Variants in AXIN2 observed in about 807,000 individuals in gnomAD.
The protein encoded by AXIN2 is axin 2, also known as axin-2.
Under a neutral mutation model 74.7 loss-of-function variants are expected in AXIN2, and 21 were observed. The ratio of observed to expected loss-of-function variants is 0.28; its 90% confidence interval spans 0.20 to 0.40. AXIN2 has a LOEUF of 0.40. AXIN2 is among the 10% of genes least tolerant of loss of function. The probability of loss-of-function intolerance (pLI) is 1.00; values close to 1 mark genes in which losing one functional copy is unlikely to be tolerated. For missense variants in AXIN2, 1,144 were observed against 1,111.1 expected (o/e 1.03, Z -0.42); for synonymous variants, 532 against 454.9 (o/e 1.17, Z -2.16).
chr17:65,553,985 G>A (rs2044231245), intron 2 of AXIN2, among the ~76,000 whole-genome samples: 2 of 152,260 alleles, frequency 1.3e-5, no homozygotes, highest in South Asian at 4.1e-4. Context: ...TGCAGCTTCT[G>A]CATCAGCCTC....
Position 65,549,019 on chromosome 17 carries a change from C to T in AXIN2, c.956+501G>A, listed in dbSNP as rs144080470. On this transcript the variant is annotated intron_variant, in intron 3 of 10. Transcript: ENST00000307078. ...CAATGCGGAACATTACACACTGTGG[C>T]TCTTTAGAGATTTCTGGCTTTCTCA... Among the ~76,000 whole-genome samples the T allele has an allele frequency of 6.5e-3, 992 of 152,270 alleles. 8 individuals are homozygous for T. Among genetic ancestry groups the T allele is most frequent in the Admixed American group, 6.3e-3 (97 of 15,298 alleles).
In AXIN2 at chr17:65,536,892, C is replaced by T. The variant is rs1307368931; in HGVS notation, c.1884G>A (p.Arg628=). ...ACCTATGGGGCTTGGGCTTGCTCTG[C>T]CGCTCACTCTCCAGCATCCACTGCC... ...DVWQWMLESE[R]QSKPKPHSAQ... is the part of the protein sequence containing the mutation. The change falls in exon 7 of 11, where the codon CGG becomes CGA. Residue 628 remains arginine, a synonymous_variant. Transcript: ENST00000307078. The T allele has an allele frequency of 1.2e-6, 2 of 1,613,446 alleles. No individual in the cohort carries two copies. Among genetic ancestry groups the T allele is most frequent in the Non-Finnish European group, 1.7e-6 (2 of 1,179,948 alleles).
At chr17:65,533,787 C>T (rs58015273) in intron 10 of AXIN2, 125 bp downstream of exon 10, 15 of 1,012,088 alleles carry the variant, frequency 1.5e-5, no homozygotes, top group South Asian at 5.5e-5. Context: ...CCTCCCCCAG[C>T]GCCTGCTGAG....
chr17:65,529,844 G>T lies in AXIN2; in HGVS notation c.*132C>A. On this transcript the variant is annotated 3_prime_UTR_variant, in exon 11 of 11. Transcript: ENST00000307078. The stretch of plus-strand genomic sequence containing the variant: ...CCGCCCTCCCGAAGGCCCACTGGCC[G>T]ATTCTTCCTTAGACTTTGTCTTCTT... 1 of 1,519,716 alleles carries T rather than the reference G, an allele frequency of 6.6e-7. No individual in the cohort carries two copies. Among genetic ancestry groups the T allele is most frequent in the South Asian group, 1.2e-5 (1 of 85,240 alleles). 94.1% of individuals were successfully genotyped at this position (1,519,716 alleles called of 1,614,324 possible). A position where few individuals can be genotyped will look rare whatever the true frequency, so the allele number is the denominator to read the frequency against.
intron 1 of AXIN2, chr17:65,560,092 C>G (rs1385070878): frequency 6.6e-6 from 1 of 152,336 alleles, no homozygotes; most frequent in Non-Finnish European, 1.5e-5. Flanking sequence ...GACACGCCAG[C>G]AGCGCCCCGA....
rs199838262 is a variant in AXIN2, at chr17:65,530,007, C to T, written c.2501G>A (p.Arg834Gln). 32 of 1,614,188 alleles carry T rather than the reference C, an allele frequency of 2.0e-5. No individual in the cohort carries two copies. The highest frequency in any genetic ancestry group is 5.5e-5 in the South Asian group (5 of 91,084). ...DETVLPMYEG[R>Q]ILGKVERID ...GATCCGCTCCACTTTGCCCAGAATC[C>T]GGCCTTCATACATCGGGAGCACCGT... The change falls in exon 11 of 11, where the codon CGG (arginine) becomes CAG (glutamine). Residue 834 changes from arginine to glutamine, a missense_variant. By Grantham distance (43) the Arg-to-Gln change is conservative (BLOSUM62 1). This residue lies in a region of AXIN2 where 65 missense variants were observed against 95.7 expected (regional missense o/e 0.68). Transcript: ENST00000307078.
rs2043964180 is a variant in AXIN2, at chr17:65,537,851, T to C, written c.1201-16A>G. The stretch of plus-strand genomic sequence containing the variant: ...TCTCTTCATCCTGAAAGGGAAGACG[T>C]CAGAAGGAGAAGTGACCCAGGAAGC... On this transcript the variant is annotated splice_polypyrimidine_tract_variant and intron_variant, in intron 5 of 10. Transcript: ENST00000307078. 8.5e-6 allele frequency: 13 copies of C among 1,533,698 alleles called. No homozygotes were observed. The highest frequency in any genetic ancestry group is 1.1e-5 in the Non-Finnish European group (13 of 1,140,476).
chr17:65,538,487 T>C, intron 4 of AXIN2, 144 bp from the exon 5 acceptor site: 1 of 1,099,546 alleles, frequency 9.1e-7, no homozygotes, highest in Non-Finnish European at 1.3e-6. Context: ...CCTGGGCTGC[T>C]CGGGACTTTT....
At chr17:65,538,021 C>T (rs892562038) in intron 5 of AXIN2, 182 bp downstream of exon 5, 1 of 1,341,104 alleles carries the variant, frequency 7.5e-7, no homozygotes, top group African/African-American at 1.4e-5. Context: ...TGCACACCCA[C>T]ACGCAACCCA....
chr17:65,534,111 C>T (rs1293808965), intron 9 of AXIN2, 32 bp from the exon 10 acceptor site: 1 of 1,613,596 alleles, frequency 6.2e-7, no homozygotes, highest in Non-Finnish European at 8.5e-7. Context: ...ACAAGTTTAG[C>T]ATTTTAAAGC....
intron 2 of AXIN2, among the ~76,000 whole-genome samples, chr17:65,551,046 A>T (rs894385012): frequency 6.6e-6 from 1 of 152,200 alleles, no homozygotes; most frequent in Admixed American, 6.5e-5. Context: ...GCTCTCAATC[A>T]AACTGCCTCC....
rs548196685 is a variant in AXIN2, at chr17:65,529,971, A to C, written c.*5T>G. On this transcript the variant is annotated 3_prime_UTR_variant, in exon 11 of 11. Coordinates refer to ENST00000307078, the MANE Select transcript of AXIN2 (RefSeq NM_004655.4). ...CAACAGTTCACCAAAGCCAGACCCC[A>C]GGGCTCAATCGATCCGCTCCACTTT... The C allele has an allele frequency of 1.6e-4, 257 of 1,614,198 alleles. 7 individuals are homozygous for C. The South Asian group carries it at 2.8e-3, about 17-fold the overall frequency.
chr17:65,534,155 A>T (rs1489694851), intron 9 of AXIN2, 76 bp from the exon 10 acceptor site: 2 of 1,539,870 alleles, frequency 1.3e-6, no homozygotes, highest in Admixed American at 3.3e-5. Context: ...ACACGTGCGC[A>T]CATGTGCATA....
intron 2 of AXIN2, among the ~76,000 whole-genome samples, chr17:65,554,921 T>TGTGTCTGTGTGCC (rs1247826912): frequency 2.6e-5 from 4 of 152,216 alleles, no homozygotes; most frequent in African/African-American, 9.6e-5. Context: ...TGTGCGTGTG[T>TGTGTCTGTGTGCC]GTGTCTGTGT....
chr17:65,537,237 G>A, intron 6 of AXIN2, 87 bp downstream of exon 6: 2 of 1,590,690 alleles, frequency 1.3e-6, no homozygotes, highest in Non-Finnish European at 1.7e-6. Context: ...CTAAATGCCT[G>A]TAATGCGGCT....
At chr17:65,532,632 G>C (rs2043841780) in intron 10 of AXIN2, among the ~76,000 whole-genome samples, 1 of 152,216 alleles carries the variant, frequency 6.6e-6, no homozygotes, top group Admixed American at 6.5e-5. Flanking sequence ...GATGAAGGTG[G>C]CTGGTAAAAC....
intron 3 of AXIN2, among the ~76,000 whole-genome samples, chr17:65,546,090 G>C (rs1344962294): frequency 1.0e-5 from 1 of 96,912 alleles, no homozygotes; most frequent in African/African-American, 4.0e-5. Flanking sequence ...GCTCCCAGCA[G>C]GGCAGCCAGC....
At position 65,537,598 on chromosome 17, in the gene AXIN2, G is replaced by A. The variant is rs1060504490; in HGVS notation, c.1438C>T (p.Leu480=). ...HHHHHSQYHS[L]LPPGGKLPPA... ...GGCAGCTTGCCACCGGGCGGGAGCA[G>A]GGAGTGGTACTGCGAATGGTGGTGG... is the stretch of plus-strand genomic sequence containing the variant. The change falls in exon 6 of 11, where the codon CTG becomes TTG. Residue 480 remains leucine, a synonymous_variant. Transcript: ENST00000307078. The A allele has an allele frequency of 1.2e-6, 2 of 1,604,484 alleles. No individual in the cohort carries two copies. Among genetic ancestry groups the A allele is most frequent in the African/African-American group, 1.3e-5 (1 of 74,978 alleles).
intron 3 of AXIN2, among the ~76,000 whole-genome samples, chr17:65,545,182 GAA>G: frequency 6.6e-6 from 1 of 152,312 alleles, no homozygotes. Context: ...CTAGCAGAAA[GAA>G]GAGACAAAGG....
Sources: gnomAD v4.1 joint callset for allele counts (sites outside exome capture counted in the v4.1 genomes callset) on GRCh38, gnomAD v4.1.1 for gene constraint, gnomAD v4.1.1 regional missense constraint, MANE v1.5 for transcripts, NCBI Gene and HGNC (gene_info 2026-07-23, HGNC 2026-07-21) for gene names.